Variants in HS3ST5 observed in about 807,000 individuals in gnomAD.
HS3ST5 encodes the protein heparan sulfate-glucosamine 3-sulfotransferase 5, also known as heparan sulfate glucosamine 3-O-sulfotransferase 5.
A neutral mutation model predicts 25.4 loss-of-function variants in HS3ST5; 10 were observed. The ratio of observed to expected loss-of-function variants is 0.39; its 90% confidence interval spans 0.24 to 0.67. The LOEUF (loss-of-function observed/expected upper bound fraction) is 0.67, where lower values mean the gene tolerates loss of function less well. HS3ST5 is among the 30% of genes least tolerant of loss of function. The probability of loss-of-function intolerance (pLI) is 0.44; values close to 1 mark genes in which losing one functional copy is unlikely to be tolerated. For missense variants in HS3ST5, 324 were observed against 420.7 expected, an observed-to-expected ratio of 0.77 and a Z score of 2.01; for synonymous variants, 170 against 162.4, an observed-to-expected ratio of 1.05 and a Z score of -0.36.
chr6:114,221,079 A>G (rs902701295), intron 2 of HS3ST5, among the ~76,000 whole-genome samples: 15 of 152,132 alleles, frequency 9.9e-5, no homozygotes, highest in Admixed American at 2.6e-4. Context: ...TGCACACACC[A>G]TCTAACCTGG....
At chr6:114,270,968 T>C (rs1279990597) in intron 1 of HS3ST5, among the ~76,000 whole-genome samples, 1 of 151,982 alleles carries the variant, frequency 6.6e-6, no homozygotes, top group Non-Finnish European at 1.5e-5. Context: ...ATGCCCCAAG[T>C]AGACTTATTA....
chr6:114,311,539 C>CTCT (rs756786969), intron 1 of HS3ST5, among the ~76,000 whole-genome samples: 19 of 84,904 alleles, frequency 2.2e-4, no homozygotes, highest in Non-Finnish European at 2.9e-4. Context: ...TTCTCTCTCT[C>CTCT]TTTTTTTTTT....
chr6:114,288,879 T>C (rs1774452034), intron 1 of HS3ST5, among the ~76,000 whole-genome samples: 1 of 152,066 alleles, frequency 6.6e-6, no homozygotes, highest in Non-Finnish European at 1.5e-5. Flanking sequence ...CCTAATCAGC[T>C]GCTAAGTACT....
At chr6:114,092,325 G>A (rs1453525307) in intron 3 of HS3ST5, among the ~76,000 whole-genome samples, 2 of 152,222 alleles carry the variant, frequency 1.3e-5, no homozygotes, top group East Asian at 3.9e-4. Context: ...ATGAAGCGGG[G>A]CCTTGAAATG....
intron 2 of HS3ST5, among the ~76,000 whole-genome samples, chr6:114,224,697 T>C (rs550566366): frequency 0.011 from 1,556 of 145,658 alleles, 17 homozygotes; most frequent in Admixed American, 0.021. Context: ...CATATATATA[T>C]ATACACACAC....
chr6:114,212,353 T>G (rs1461983682), intron 2 of HS3ST5, among the ~76,000 whole-genome samples: 1 of 152,244 alleles, frequency 6.6e-6, no homozygotes, highest in East Asian at 1.9e-4. Context: ...TACATGGTGA[T>G]GTTGATGTTT....
intron 1 of HS3ST5, among the ~76,000 whole-genome samples, chr6:114,285,389 T>A (rs567632962): frequency 1.3e-5 from 2 of 152,122 alleles, no homozygotes; most frequent in Admixed American, 6.6e-5. Context: ...CACACCCCTA[T>A]GAAACAAGTT....
chr6:114,286,790 A>T (rs1005120605), intron 1 of HS3ST5, among the ~76,000 whole-genome samples: 1 of 152,006 alleles, frequency 6.6e-6, no homozygotes, highest in African/African-American at 2.4e-5. Flanking sequence ...AAACCTATGA[A>T]GTTACAACAA....
At chr6:114,334,325 C>T (rs115547463) in intron 1 of HS3ST5, among the ~76,000 whole-genome samples, 1 of 152,066 alleles carries the variant, frequency 6.6e-6, no homozygotes, top group Non-Finnish European at 1.5e-5. Context: ...TTTTCCAGTG[C>T]CCTCTCATCC....
chr6:114,261,939 G>A (rs922586663), intron 1 of HS3ST5, among the ~76,000 whole-genome samples: 4 of 152,140 alleles, frequency 2.6e-5, no homozygotes, highest in African/African-American at 9.7e-5. Flanking sequence ...ACTGTCTACT[G>A]GACCCTCTCT....
chr6:114,207,456 T>C (rs1781320139), intron 2 of HS3ST5, among the ~76,000 whole-genome samples: 2 of 152,166 alleles, frequency 1.3e-5, no homozygotes, highest in South Asian at 2.1e-4. Context: ...CTCACAGCAC[T>C]TCATTATAAA....
chr6:114,102,296 A>T (rs1387039453), intron 3 of HS3ST5, among the ~76,000 whole-genome samples: 1 of 152,208 alleles, frequency 6.6e-6, no homozygotes, highest in Non-Finnish European at 1.5e-5. Flanking sequence ...GGTTGCACAT[A>T]GTTCTTTCTA....
intron 1 of HS3ST5, among the ~76,000 whole-genome samples, chr6:114,321,606 A>T (rs955214829): frequency 2.0e-5 from 3 of 152,186 alleles, no homozygotes; most frequent in Non-Finnish European, 4.4e-5. Context: ...TTTAAAATAC[A>T]TGTAGCACAA....
At chr6:114,092,141 A>G (rs1425150393) in intron 3 of HS3ST5, among the ~76,000 whole-genome samples, 3 of 152,226 alleles carry the variant, frequency 2.0e-5, no homozygotes, top group Non-Finnish European at 4.4e-5. Context: ...TCTTTGTAAA[A>G]GTAAAGAGCT....
At position 114,107,353 on chromosome 6, in the gene HS3ST5, A is replaced by G. The variant is rs906179025; in HGVS notation, c.-32-44476T>C. Among the ~76,000 whole-genome samples, 8 of 152,310 alleles carry G rather than the reference A, an allele frequency of 5.3e-5. No individual in the cohort carries two copies. The South Asian group carries it at 1.7e-3, about 32-fold the overall frequency. Reference sequence around the variant, plus strand: ...AAAATCCAACGTCCATTTCTGATGAAAACTCTCAGCAAATGAGAAATTGAA... The same window carrying G: ...AAAATCCAACGTCCATTTCTGATGAGAACTCTCAGCAAATGAGAAATTGAA... On this transcript the variant is annotated intron_variant, in intron 3 of 4. Transcript: ENST00000312719.
At chr6:114,074,533 C>T (rs954375180) in intron 3 of HS3ST5, among the ~76,000 whole-genome samples, 3 of 152,112 alleles carry the variant, frequency 2.0e-5, no homozygotes, top group Non-Finnish European at 4.4e-5. Flanking sequence ...GCCTACCCCT[C>T]ATCTTCTGTT....
chr6:114,147,662 C>A (rs1778234517), intron 3 of HS3ST5, among the ~76,000 whole-genome samples: 1 of 152,184 alleles, frequency 6.6e-6, no homozygotes, highest in South Asian at 2.1e-4. Flanking sequence ...CTCACTGCAA[C>A]CTCTGCCTCC....
At chr6:114,213,726 T>G (rs373038985) in intron 2 of HS3ST5, among the ~76,000 whole-genome samples, 2 of 152,252 alleles carry the variant, frequency 1.3e-5, no homozygotes, top group East Asian at 3.9e-4. Context: ...TGCAGGGATA[T>G]CTTGCTGCAT....
chr6:114,195,962 T>A (rs1173749412), intron 2 of HS3ST5, among the ~76,000 whole-genome samples: 1 of 152,144 alleles, frequency 6.6e-6, no homozygotes, highest in African/African-American at 2.4e-5. Context: ...TAAGGGCCTG[T>A]ATGCACACTA....
Sources: allele counts gnomAD v4.1 joint callset (sites outside exome capture counted in the v4.1 genomes callset), GRCh38; gene constraint gnomAD v4.1.1; transcripts MANE v1.5; gene names NCBI Gene and HGNC (gene_info 2026-07-23, HGNC 2026-07-21).